The following P4HA1 variants were observed in gnomAD, a reference collection of about 807,000 sequenced individuals.
P4HA1 encodes the protein prolyl 4-hydroxylase subunit alpha 1, also known as prolyl 4-hydroxylase subunit alpha-1.
Under a neutral mutation model 72.8 loss-of-function variants are expected in P4HA1, and 24 were observed. The observed-to-expected ratio is 0.33, with a 90% CI of 0.24 to 0.46. The LOEUF is 0.46. Among genes scored for constraint, P4HA1 ranks in the 20% least tolerant of loss-of-function variants. The probability of loss-of-function intolerance (pLI) is 1.00; values close to 1 mark genes in which losing one functional copy is unlikely to be tolerated. For missense variants in P4HA1, 446 were observed against 640.6 expected, an observed-to-expected ratio of 0.70 and a Z score of 3.28; for synonymous variants, 201 against 218.8, an observed-to-expected ratio of 0.92 and a Z score of 0.72.
intron 1 of P4HA1, among the ~76,000 whole-genome samples, chr10:73,094,157 T>C (rs1403284027): frequency 6.6e-6 from 1 of 151,970 alleles, no homozygotes; most frequent in Non-Finnish European, 1.5e-5. Context: ...TGATATACTT[T>C]CACAGACTAG....
chr10:73,037,525 CTATATATATATATATATATATATA>C lies in P4HA1; in HGVS notation c.1149-7179_1149-7156del, dbSNP rs869107512. On this transcript the variant is annotated intron_variant, in intron 9 of 14. Transcript: ENST00000394890. ...TCTATGATTAGCTAATCGAAAACCA[CTATATATATATATATATATATATA>C]TATATATATATATATATATATATTT... is the stretch of plus-strand genomic sequence containing the variant. Among the ~76,000 whole-genome samples the C allele has an allele frequency of 2.1e-3, 71 of 34,306 alleles. 5 individuals carry two copies. In the Admixed American group the frequency reaches 0.024, roughly 12 times the overall value. 22.5% of individuals were successfully genotyped at this position (34,306 alleles called of 152,430 possible).
intron 10 of P4HA1, among the ~76,000 whole-genome samples, chr10:73,028,113 G>A (rs2133058222): frequency 6.6e-6 from 1 of 152,222 alleles, no homozygotes; most frequent in South Asian, 2.1e-4. Flanking sequence ...TGAGTGGGTT[G>A]CTGTTTTTCA....
chr10:73,037,525 C>CCATATATATA (rs1840605546), intron 9 of P4HA1, among the ~76,000 whole-genome samples: 1 of 34,298 alleles, frequency 2.9e-5, no homozygotes, highest in Non-Finnish European at 5.2e-5. Context: ...TCGAAAACCA[C>CCATATATATA]TATATATATA....
rs1028974611 is a variant in P4HA1 at position 73,079,202 on chromosome 10, T to A, written c.-32-4287A>T. 2.0e-5 allele frequency among the ~76,000 whole-genome samples: 3 copies of A among 152,168 alleles called. No homozygotes were observed. In the South Asian group the frequency reaches 6.2e-4, roughly 31 times the overall value. On this transcript the variant is annotated intron_variant, in intron 1 of 14. Transcript: ENST00000394890. ...TGGGTGCAGTGGCTCATGCCTATAA[T>A]CCCAACACTTTGGGAGGCTAAGGTG...
intron 1 of P4HA1, among the ~76,000 whole-genome samples, chr10:73,084,495 GA>G: frequency 6.6e-6 from 1 of 152,208 alleles, no homozygotes; most frequent in African/African-American, 2.4e-5. Flanking sequence ...GTAGAGTTGG[GA>G]TCTCCTTATG....
intron 9 of P4HA1, 82 bp downstream of exon 9, chr10:73,044,899 C>A: frequency 8.8e-7 from 1 of 1,131,482 alleles, no homozygotes; most frequent in Non-Finnish European, 1.3e-6. Context: ...GAAAATGACC[C>A]ACTTTCCTTA....
At chr10:73,088,284 T>C (rs1011981766) in intron 1 of P4HA1, among the ~76,000 whole-genome samples, 1 of 152,186 alleles carries the variant, frequency 6.6e-6, no homozygotes, top group African/African-American at 2.4e-5. Context: ...TGAGTGCAGA[T>C]TGCCTTCAGG....
intron 1 of P4HA1, among the ~76,000 whole-genome samples, chr10:73,094,844 T>A (rs1323618831): frequency 2.0e-5 from 3 of 152,226 alleles, no homozygotes; most frequent in Admixed American, 2.0e-4. Context: ...CTAATTTTTT[T>A]GGCATAATTA....
chr10:73,052,630 A>G (rs907532465), intron 6 of P4HA1, among the ~76,000 whole-genome samples: 10 of 152,224 alleles, frequency 6.6e-5, no homozygotes, highest in Non-Finnish European at 8.8e-5. Context: ...CCAATTATCC[A>G]AAGTTCATTT....
At chr10:73,075,671 A>G (rs1841680525) in intron 1 of P4HA1, among the ~76,000 whole-genome samples, 2 of 152,012 alleles carry the variant, frequency 1.3e-5, no homozygotes, top group Non-Finnish European at 2.9e-5. Context: ...AAAATATTTC[A>G]GAGCTTTCTG....
intron 1 of P4HA1, among the ~76,000 whole-genome samples, chr10:73,086,572 G>A (rs1486871351): frequency 6.6e-6 from 1 of 152,102 alleles, no homozygotes; most frequent in African/African-American, 2.4e-5. Flanking sequence ...CCACTGAAAT[G>A]TATACTTTAA....
chr10:73,035,456 G>A (rs566813738), intron 9 of P4HA1, among the ~76,000 whole-genome samples: 3 of 152,132 alleles, frequency 2.0e-5, no homozygotes, highest in East Asian at 3.9e-4. Flanking sequence ...CCAGGAGTTC[G>A]AGGTTGCTAT....
In P4HA1 at chr10:73,038,691, A is replaced by G. The variant is rs1296808816; in HGVS notation, c.1148+6290T>C. On this transcript the variant is annotated intron_variant, in intron 9 of 14. Coordinates refer to ENST00000394890, the MANE Select transcript of P4HA1 (RefSeq NM_001017962.3). ...GCCCAGGCTGGAGTGCAGTGGCGGG[A>G]TCTCGGCTCACTGCAAGCTCCGCCT... Among the ~76,000 whole-genome samples, 2 of 87,390 alleles carry G rather than the reference A, an allele frequency of 2.3e-5. 1 individual carries two copies. Among genetic ancestry groups the G allele is most frequent in the African/African-American group, 1.6e-4 (2 of 12,880 alleles). The allele number at this position is 87,390 out of a possible 152,430, so 57.3% of individuals were successfully genotyped here.
intron 1 of P4HA1, 81 bp from the exon 2 acceptor site, chr10:73,074,996 AAAAAGT>A: frequency 1.7e-6 from 1 of 590,116 alleles, no homozygotes; most frequent in South Asian, 2.3e-5. Context: ...TATTTCTATG[AAAAAGT>A]AAAAGATTCC....
chr10:73,019,718 G>A (rs1840089396), intron 10 of P4HA1, among the ~76,000 whole-genome samples: 1 of 63,946 alleles, frequency 1.6e-5, no homozygotes, highest in Non-Finnish European at 2.5e-5. Flanking sequence ...GACAGAGCGA[G>A]ACTCTGTCTC....
chr10:73,045,070 A>G lies in P4HA1; in HGVS notation c.1078-19T>C, dbSNP rs1397983491. 1.2e-6 allele frequency: 2 copies of G among 1,607,050 alleles called. No homozygotes were observed. Among genetic ancestry groups the G allele is most frequent in the Admixed American group, 1.7e-5 (1 of 59,520 alleles). On this transcript the variant is annotated intron_variant, in intron 8 of 14. Coordinates refer to ENST00000394890, the MANE Select transcript of P4HA1 (RefSeq NM_001017962.3). ...GCCTCAGCTGTGAAGCCAACCATCAAAATAGTTGCATTACAAAACAAAAAA... is the reference window on the plus strand; with the variant it reads ...GCCTCAGCTGTGAAGCCAACCATCAGAATAGTTGCATTACAAAACAAAAAA...
chr10:73,096,022 GAGAC>G (rs1842156881), intron 1 of P4HA1, among the ~76,000 whole-genome samples: 1 of 152,238 alleles, frequency 6.6e-6, no homozygotes, highest in Non-Finnish European at 1.5e-5. Context: ...GAGAGACAGA[GAGAC>G]AGAGATTGAG....
Position 73,047,072 on chromosome 10 carries a change from G to A in P4HA1, c.930C>T (p.Cys310=), listed in dbSNP as rs201842855. 9 of 1,613,326 alleles carry A rather than the reference G, an allele frequency of 5.6e-6. No individual in the cohort carries two copies. In the East Asian group the frequency reaches 8.9e-5, roughly 16 times the overall value. Residue 310 remains cysteine (C), a synonymous_variant, in exon 8 of 15, where the codon TGC becomes TGT. Transcript: ENST00000394890. ...GATTACGGTTTCCATCATGGTAGCG[G>A]CAAAAGAGTTTTTTCTGTCTCCGAG... ...MTPRRQKKLF[C]RYHDGNRNPK... is the part of the protein sequence containing the mutation.
At chr10:73,078,068 CAA>C (rs61030339) in intron 1 of P4HA1, among the ~76,000 whole-genome samples, 320 of 59,384 alleles carry the variant, frequency 5.4e-3, no homozygotes, top group African/African-American at 0.015. Context: ...GCTTATGTGT[CAA>C]AAAAAAAAAA....
Sources: allele counts gnomAD v4.1 joint callset (sites outside exome capture counted in the v4.1 genomes callset), GRCh38; gene constraint gnomAD v4.1.1; transcripts MANE v1.5; gene names NCBI Gene and HGNC (gene_info 2026-07-23, HGNC 2026-07-21).